EIF3M: variants seen among roughly 807,000 people sequenced by gnomAD.
EIF3M encodes B5 receptor.
In EIF3M, 25 loss-of-function variants were observed where a neutral mutation model predicts 49.7. The ratio of observed to expected loss-of-function variants is 0.50; its 90% CI spans 0.37 to 0.70. The LOEUF is 0.70. EIF3M is among the 30% of genes least tolerant of loss of function. The probability of loss-of-function intolerance (pLI) is 0.00; values close to 1 mark genes in which losing one functional copy is unlikely to be tolerated. For synonymous variants in EIF3M, 156 were observed against 149.8 expected, an observed-to-expected ratio of 1.04 and a Z score of -0.30; for missense variants, 350 against 440.0, an observed-to-expected ratio of 0.80 and a Z score of 1.83.
intron 9 of EIF3M, 191 bp downstream of exon 9, chr11:32,601,023 T>C: frequency 1.8e-6 from 1 of 569,014 alleles, no homozygotes; most frequent in Non-Finnish European, 2.7e-6. Flanking sequence ...TGCTATATTC[T>C]ATCCCTTGAA....
chr11:32,591,108 C>G (rs1017753782), intron 5 of EIF3M, among the ~76,000 whole-genome samples: 1 of 152,194 alleles, frequency 6.6e-6, no homozygotes, highest in Non-Finnish European at 1.5e-5. Context: ...CTCCGCCTCC[C>G]AAAGTGCTGG....
At chr11:32,598,990 AT>A (rs1270796521) in intron 8 of EIF3M, among the ~76,000 whole-genome samples, 2 of 152,038 alleles carry the variant, frequency 1.3e-5, no homozygotes, top group African/African-American at 4.8e-5. Context: ...AAATTTGTTT[AT>A]ATGCTTTTCA....
chr11:32,595,036 T>A, intron 7 of EIF3M, 23 bp downstream of exon 7: 2 of 1,593,556 alleles, frequency 1.3e-6, no homozygotes, highest in South Asian at 2.3e-5. Flanking sequence ...TCCTTTAATG[T>A]GAAAAATGTT....
intron 5 of EIF3M, among the ~76,000 whole-genome samples, chr11:32,593,376 T>C (rs1590520829): frequency 6.6e-6 from 1 of 152,328 alleles, no homozygotes; most frequent in African/African-American, 2.4e-5. Flanking sequence ...ATTTAAATAT[T>C]TGGTATTGTC....
intron 2 of EIF3M, 107 bp from the exon 3 acceptor site, chr11:32,588,487 T>C (rs1281036658): frequency 7.5e-7 from 1 of 1,327,834 alleles, no homozygotes; most frequent in Non-Finnish European, 1.0e-6. Flanking sequence ...CGAAAGTGTC[T>C]TACATTTGAT....
intron 4 of EIF3M, 82 bp from the exon 5 acceptor site, chr11:32,589,465 C>G (rs540636725): frequency 3.6e-5 from 50 of 1,375,782 alleles, no homozygotes; most frequent in Admixed American, 5.4e-5. Flanking sequence ...GCGTGAGCCA[C>G]CACGCCCAGC....
In EIF3M at chr11:32,603,933, G is replaced by C. The variant is rs1211922351; in HGVS notation, c.*1534G>C. 6.6e-6 allele frequency: 1 copy of C among 152,212 alleles called. No homozygotes were observed. The highest frequency in any genetic ancestry group is 1.5e-5 in the Non-Finnish European group (1 of 68,116). 9.4% of individuals were successfully genotyped at this position (152,212 alleles called of 1,614,324 possible). On this transcript the variant is annotated 3_prime_UTR_variant, in exon 11 of 11. Transcript: ENST00000531120. ...CTACCAAAAATTAGCTGGGCATGGT[G>C]GCATGCAACTGTAGTCCCAGCTCCT...
chr11:32,594,818 A>G (rs764953742), intron 6 of EIF3M, 96 bp from the exon 7 acceptor site: 177 of 1,065,130 alleles, frequency 1.7e-4, no homozygotes, highest in Middle Eastern at 1.4e-3. Context: ...ACTGTTAGAT[A>G]TTTTGCCGAA....
At chr11:32,588,483 T>G (rs1250306632) in intron 2 of EIF3M, 111 bp from the exon 3 acceptor site, 2 of 1,253,196 alleles carry the variant, frequency 1.6e-6, no homozygotes, top group Admixed American at 5.2e-5. Context: ...AATGCGAAAG[T>G]GTCTTACATT....
chr11:32,585,355 A>G (rs1458980945), intron 1 of EIF3M, among the ~76,000 whole-genome samples: 1 of 152,334 alleles, frequency 6.6e-6, no homozygotes, highest in East Asian at 1.9e-4. Flanking sequence ...ATCGTATCTT[A>G]AAGTGTCTTT....
chr11:32,594,851 A>G (rs1855155159), intron 6 of EIF3M, 63 bp from the exon 7 acceptor site: 2 of 1,493,022 alleles, frequency 1.3e-6, no homozygotes, highest in Non-Finnish European at 1.8e-6. Context: ...TATGATCTGC[A>G]AAAACTCAAT....
intron 1 of EIF3M, among the ~76,000 whole-genome samples, chr11:32,586,298 G>C (rs374728519): frequency 8.5e-5 from 13 of 152,286 alleles, no homozygotes; most frequent in African/African-American, 2.9e-4. Context: ...AGTCCCAGAA[G>C]AAAAATGGAA....
chr11:32,584,021 G>A (rs1854950104), intron 1 of EIF3M, 92 bp downstream of exon 1: 11 of 1,529,864 alleles, frequency 7.2e-6, no homozygotes, highest in Admixed American at 3.7e-5. Flanking sequence ...GGGCGGCCGG[G>A]GCTGACACCC....
chr11:32,599,137 A>G (rs934710154), intron 8 of EIF3M, among the ~76,000 whole-genome samples: 10 of 152,080 alleles, frequency 6.6e-5, no homozygotes, highest in African/African-American at 2.4e-4. Context: ...TTCCTTTATT[A>G]ACACTGACAA....
intron 6 of EIF3M, 88 bp downstream of exon 6, chr11:32,594,037 C>T (rs1855142997): frequency 4.6e-6 from 4 of 872,668 alleles, no homozygotes; most frequent in Non-Finnish European, 4.9e-6. Flanking sequence ...ATCATGTTTG[C>T]AACTACCAGT....
rs531375315 is a variant in EIF3M at position 32,602,871 on chromosome 11, G to T, written c.*472G>T. The T allele has an allele frequency of 4.3e-5, 69 of 1,611,026 alleles. 2 individuals are homozygous for T. In the South Asian group the frequency reaches 7.2e-4, roughly 17 times the overall value. On this transcript the variant is annotated 3_prime_UTR_variant, in exon 11 of 11. Transcript: ENST00000531120. ...CTGCTTTTCTTTTCTTTGGCTGGTT[G>T]TCATTTTCTAAACTTAGTAAATTTT...
At chr11:32,600,399 T>G (rs1855242383) in intron 8 of EIF3M, among the ~76,000 whole-genome samples, 1 of 151,914 alleles carries the variant, frequency 6.6e-6, no homozygotes, top group African/African-American at 2.4e-5. Context: ...TTTAAAAATG[T>G]AAAATGTGCA....
chr11:32,590,235 G>T (rs1248431626), intron 5 of EIF3M, among the ~76,000 whole-genome samples: 1 of 152,168 alleles, frequency 6.6e-6, no homozygotes, highest in Non-Finnish European at 1.5e-5. Context: ...ATGAAATTCA[G>T]ATTTCAGGGT....
At chr11:32,589,903 C>T (rs1050213780) in intron 5 of EIF3M, among the ~76,000 whole-genome samples, 2 of 152,192 alleles carry the variant, frequency 1.3e-5, no homozygotes, top group African/African-American at 4.8e-5. Context: ...CCAACATGGG[C>T]TTCAACCTAC....
Sources: gnomAD v4.1 joint callset for allele counts (sites outside exome capture counted in the v4.1 genomes callset) on GRCh38, gnomAD v4.1.1 for gene constraint, MANE v1.5 for transcripts, NCBI Gene and HGNC (gene_info 2026-07-23, HGNC 2026-07-21) for gene names.